Variants in PCLO observed in about 807,000 individuals in gnomAD.
The protein encoded by PCLO is protein piccolo.
A neutral mutation model predicts 427.5 loss-of-function variants in PCLO; 82 were observed. The ratio of observed to expected loss-of-function variants is 0.19; its 90% CI spans 0.16 to 0.23. PCLO has a LOEUF of 0.23. Among genes scored for constraint, PCLO ranks in the 10% least tolerant of loss-of-function variants. The probability of loss-of-function intolerance (pLI) is 1.00; values close to 1 mark genes in which losing one functional copy is unlikely to be tolerated. For synonymous variants in PCLO, 2,357 were observed against 2,155.4 expected, an observed-to-expected ratio of 1.09 and a Z score of -2.59; for missense variants, 6,239 against 6,115.9, an observed-to-expected ratio of 1.02 and a Z score of -0.67.
chr7:83,134,247 T>TATATAAAAA lies in PCLO; in HGVS notation c.3300+2_3300+3insTTTTTATAT. The stretch of plus-strand genomic sequence containing the variant: ...TATATATATATATATATATATAACT[T>TATATAAAAA]ACCTCAGTCAAATGTGGTGTAGGGT... On this transcript the variant is annotated splice_region_variant and intron_variant, in intron 3 of 24. Coordinates refer to ENST00000333891, the MANE Select transcript of PCLO (RefSeq NM_033026.6). The TATATAAAAA allele has an allele frequency of 1.2e-6, 1 of 841,030 alleles. No individual in the cohort carries two copies. The highest frequency in any genetic ancestry group is 1.7e-6 in the Non-Finnish European group (1 of 584,620). 52.1% of individuals were successfully genotyped at this position (841,030 alleles called of 1,614,324 possible). A position where few individuals can be genotyped will look rare whatever the true frequency, so the allele number is the denominator to read the frequency against.
chr7:82,855,801 G>C lies in PCLO; in HGVS notation c.13655-8554C>G, dbSNP rs574645360. Among the ~76,000 whole-genome samples, 77 of 152,232 alleles carry C rather than the reference G, an allele frequency of 5.1e-4. 1 individual carries two copies. The highest frequency in any genetic ancestry group is 1.8e-3 in the African/African-American group (74 of 41,562). On this transcript the variant is annotated intron_variant, in intron 10 of 24. Transcript: ENST00000333891. ...CTTACTGGGAAGAAAAATAATGTAA[G>C]AAGGATGAAAGAATAGGAGGTGCAG... is the stretch of plus-strand genomic sequence containing the variant.
At chr7:82,886,567 A>T (rs908463298) in intron 9 of PCLO, among the ~76,000 whole-genome samples, 1 of 152,194 alleles carries the variant, frequency 6.6e-6, no homozygotes, top group Non-Finnish European at 1.5e-5. Flanking sequence ...TGAAATCCAG[A>T]TGCTAGATTA....
intron 2 of PCLO, among the ~76,000 whole-genome samples, chr7:83,142,791 T>G (rs1420577021): frequency 2.0e-5 from 3 of 152,190 alleles, no homozygotes; most frequent in East Asian, 3.9e-4. Context: ...AAACCCCGTC[T>G]CTACTAAAAA....
At chr7:82,847,392 A>G in intron 10 of PCLO, 145 bp from the exon 11 acceptor site, 3 of 578,356 alleles carry the variant, frequency 5.2e-6, no homozygotes, top group Non-Finnish European at 9.2e-6. Flanking sequence ...CTGCAACATT[A>G]ATACCAAAAC....
At chr7:82,928,041 C>T (rs185884702) in intron 6 of PCLO, among the ~76,000 whole-genome samples, 257 of 152,182 alleles carry the variant, frequency 1.7e-3, no homozygotes, top group Non-Finnish European at 2.6e-3. Flanking sequence ...CATGCATGGG[C>T]TAATTATTTC....
chr7:83,124,751 G>A (rs374731370), intron 3 of PCLO, among the ~76,000 whole-genome samples: 4 of 151,726 alleles, frequency 2.6e-5, no homozygotes, highest in South Asian at 4.2e-4. Flanking sequence ...CGCTTTCCAC[G>A]GTCTCCCCCT....
chr7:82,879,353 C>T lies in PCLO; in HGVS notation c.13638G>A (p.Thr4546=), dbSNP rs374319895. 5.5e-4 allele frequency: 894 copies of T among 1,611,314 alleles called. 1 individual carries two copies. Among genetic ancestry groups the T allele is most frequent in the Non-Finnish European group, 7.1e-4 (839 of 1,178,532 alleles). ...TATTCTTACCTTCCATAAGCTTCCC[C>T]GTCTGTTCCGCACTTCCCCCAGGAA... The part of the protein sequence containing the change: ...KILPGGSAEQ[T]GKLMEGMQVL... Residue 4546 remains threonine (T), a synonymous_variant, in exon 10 of 25, where the codon ACG becomes ACA. Transcript: ENST00000333891.
intron 3 of PCLO, among the ~76,000 whole-genome samples, chr7:83,107,640 T>TA (rs1790890970): frequency 6.6e-6 from 1 of 151,112 alleles, no homozygotes. Context: ...TTATTAATAA[T>TA]AATTAATACT....
chr7:83,017,197 T>C (rs1235204815), intron 3 of PCLO, among the ~76,000 whole-genome samples: 1 of 152,092 alleles, frequency 6.6e-6, no homozygotes, highest in African/African-American at 2.4e-5. Flanking sequence ...TAGGAAGATC[T>C]GGAAATGAAA....
intron 3 of PCLO, among the ~76,000 whole-genome samples, chr7:83,089,143 A>G (rs1790313928): frequency 6.6e-6 from 1 of 152,110 alleles, no homozygotes; most frequent in African/African-American, 2.4e-5. Flanking sequence ...ATGTTTACAT[A>G]CATACATACA....
intron 13 of PCLO, among the ~76,000 whole-genome samples, chr7:82,844,676 C>T (rs927037734): frequency 3.9e-5 from 6 of 151,912 alleles, no homozygotes; most frequent in South Asian, 2.1e-4. Context: ...TTGTATATTT[C>T]CTCTGCTTTT....
intron 3 of PCLO, among the ~76,000 whole-genome samples, chr7:83,071,376 A>C (rs1789811869): frequency 1.3e-5 from 2 of 152,180 alleles, no homozygotes; most frequent in Non-Finnish European, 2.9e-5. Context: ...TTTCCATATA[A>C]TGGTTGTTAG....
chr7:83,093,803 T>C (rs1790453974), intron 3 of PCLO, among the ~76,000 whole-genome samples: 1 of 85,016 alleles, frequency 1.2e-5, no homozygotes, highest in Admixed American at 1.3e-4. Flanking sequence ...ACCACAAATA[T>C]TAAAAAAAAA....
chr7:83,025,176 A>C (rs1479454130), intron 3 of PCLO, among the ~76,000 whole-genome samples: 9 of 152,198 alleles, frequency 5.9e-5, no homozygotes, highest in Non-Finnish European at 1.2e-4. Context: ...AGGATATTCA[A>C]ACCAAAGGCA....
intron 22 of PCLO, among the ~76,000 whole-genome samples, chr7:82,778,347 A>AG: frequency 6.6e-6 from 1 of 152,322 alleles, no homozygotes; most frequent in East Asian, 1.9e-4. Flanking sequence ...CACTGTGGAA[A>AG]GCAGTTGAGT....
At chr7:83,105,475 A>T (rs992838559) in intron 3 of PCLO, among the ~76,000 whole-genome samples, 1 of 151,566 alleles carries the variant, frequency 6.6e-6, no homozygotes, top group African/African-American at 2.4e-5. Context: ...TCAGAATATT[A>T]TAAGTGTGTA....
At chr7:82,845,196 A>G (rs1357851085) in intron 13 of PCLO, 75 bp downstream of exon 13, 4 of 980,378 alleles carry the variant, frequency 4.1e-6, no homozygotes, top group South Asian at 1.5e-5. Context: ...AGAAAATGAT[A>G]TTTTATTTTC....
In PCLO at chr7:83,155,811, T is replaced by C; in HGVS notation, c.830A>G (p.Asp277Gly). 3.1e-6 allele frequency: 5 copies of C among 1,613,880 alleles called. No individual in the cohort carries two copies. The highest frequency in any genetic ancestry group is 4.2e-6 in the Non-Finnish European group (5 of 1,179,840). Residue 277 changes from aspartate (D) to glycine (G), a missense_variant, in exon 2 of 25, where the codon GAT (aspartate) becomes GGT (glycine). This residue lies in a region of PCLO where 4,677 missense variants were observed against 4,468.4 expected (regional missense o/e 1.05). Transcript: ENST00000333891. ...TDHAKLPLQR[D>G]ASRPQTKQAD... ...CTGTTTAGTCTGAGGCCTGGATGCA[T>C]CTCGTTGAAGTGGCAATTTTGCATG...
chr7:83,095,875 C>T (rs1003168869), intron 3 of PCLO, among the ~76,000 whole-genome samples: 9 of 151,572 alleles, frequency 5.9e-5, no homozygotes, highest in Admixed American at 2.0e-4. Flanking sequence ...ATTCCCTTGC[C>T]GCTTGAAAAC....
Sources: allele counts gnomAD v4.1 joint callset (sites outside exome capture counted in the v4.1 genomes callset), GRCh38; gene constraint gnomAD v4.1.1; regional missense constraint gnomAD v4.1.1; transcripts MANE v1.5; gene names NCBI Gene and HGNC (gene_info 2026-07-23, HGNC 2026-07-21).